The following PDF variants were observed in gnomAD, a reference collection of about 807,000 sequenced individuals.
PDF encodes peptide deformylase-like protein.
A neutral mutation model predicts 20.3 loss-of-function variants in PDF; 31 were observed. The ratio of observed to expected loss-of-function variants is 1.52; its 90% CI spans 1.15 to 2.06. The LOEUF (loss-of-function observed/expected upper bound fraction) is 2.06, where lower values mean the gene tolerates loss of function less well. Ranked by LOEUF, PDF falls within the 30% of genes most tolerant of loss-of-function variation. The pLI, the probability that PDF is intolerant of heterozygous loss-of-function variation, is 0.00. For synonymous variants in PDF, 254 were observed against 172.0 expected, an observed-to-expected ratio of 1.48 and a Z score of -3.73; for missense variants, 447 against 362.5, an observed-to-expected ratio of 1.23 and a Z score of -1.89.
chr16:69,329,269 C>A lies in PDF; in HGVS notation c.575-90G>T, dbSNP rs926087697. 7.3e-6 allele frequency: 10 copies of A among 1,367,296 alleles called. No individual in the cohort carries two copies. The African/African-American group carries it at 9.0e-5, about 12-fold the overall frequency. The allele number at this position is 1,367,296 out of a possible 1,614,324, so 84.7% of individuals were successfully genotyped here. On this transcript the variant is annotated intron_variant, in intron 1 of 1. Transcript: ENST00000288022. Reference sequence around the variant, plus strand: ...ACCCCTGCCCCCGGTCCTGGCTGTTCCCATTGACAAGAGGCAACAGCAGAT... The same window carrying A: ...ACCCCTGCCCCCGGTCCTGGCTGTTACCATTGACAAGAGGCAACAGCAGAT...
Position 69,328,893 on chromosome 16 carries a change from C to T in PDF, c.*129G>A. On this transcript the variant is annotated 3_prime_UTR_variant, in exon 2 of 2. Coordinates refer to ENST00000288022, the MANE Select transcript of PDF (RefSeq NM_022341.2). ...GACATCTTCCTCCAGCTCAGTCTGC[C>T]ATGCCTTGGCAATCCAGTTTCCTGT... 2 of 1,218,604 alleles carry T rather than the reference C, an allele frequency of 1.6e-6. No individual in the cohort carries two copies. Among genetic ancestry groups the T allele is most frequent in the Non-Finnish European group, 2.3e-6 (2 of 882,474 alleles). The allele number at this position is 1,218,604 out of a possible 1,614,324, so 75.5% of individuals were successfully genotyped here. A position where few individuals can be genotyped will look rare whatever the true frequency, so the allele number is the denominator to read the frequency against.
At chr16:69,329,438 G>A (rs887472883) in intron 1 of PDF, among the ~76,000 whole-genome samples, 1 of 152,244 alleles carries the variant, frequency 6.6e-6, no homozygotes, top group East Asian at 1.9e-4. Context: ...ATCTTTCTAC[G>A]GTGCGACCCT....
At position 69,327,862 on chromosome 16, in the gene PDF, AT is replaced by A. The variant is rs1347405322; in HGVS notation, c.*1159del. 2.0e-5 allele frequency: 3 copies of A among 148,734 alleles called. No individual in the cohort carries two copies. The highest frequency in any genetic ancestry group is 3.9e-4 in the East Asian group (2 of 5,162). The allele number at this position is 148,734 out of a possible 1,614,324, so 9.2% of individuals were successfully genotyped here. A position where few individuals can be genotyped will look rare whatever the true frequency, so the allele number is the denominator to read the frequency against. On this transcript the variant is annotated 3_prime_UTR_variant, in exon 2 of 2. Transcript: ENST00000288022. ...CCCCCGTCTCTATCTTAAAAAAAAA[AT>A]AAAAGAATAAAACAAGTTCCTTCAC...
At position 69,329,074 on chromosome 16, in the gene PDF, T is replaced by G. The variant is rs1205714377; in HGVS notation, c.680A>C (p.Lys227Thr). The change falls in exon 2 of 2, where the codon AAA (lysine) becomes ACA (threonine). Residue 227 changes from lysine to threonine, a missense_variant. Physicochemically the swap from Lys to Thr is moderately conservative, Grantham distance 78. Coordinates refer to ENST00000288022, the MANE Select transcript of PDF (RefSeq NM_022341.2). Reference sequence around the variant, plus strand: ...GTTTGTGAACGTCCTGCTGTCCATTTTGTCAATAAACAGGCAGCCCTGCAG... The same window carrying G: ...GTTTGTGAACGTCCTGCTGTCCATTGTGTCAATAAACAGGCAGCCCTGCAG... ...DHLQGCLFID[K>T]MDSRTFTNVY... The G allele has an allele frequency of 6.2e-7, 1 of 1,612,276 alleles. No individual in the cohort carries two copies. The highest frequency in any genetic ancestry group is 1.1e-5 in the South Asian group (1 of 90,826).
chr16:69,328,690 C>T lies in PDF; in HGVS notation c.*332G>A. 3.9e-6 allele frequency: 1 copy of T among 258,544 alleles called. No homozygotes were observed. The highest frequency in any genetic ancestry group is 5.3e-5 in the South Asian group (1 of 18,856). The allele number at this position is 258,544 out of a possible 1,614,324, so 16.0% of individuals were successfully genotyped here. A position where few individuals can be genotyped will look rare whatever the true frequency, so the allele number is the denominator to read the frequency against. ...ATTTGGGGACTACATTATTACCAAA[C>T]CTTGGCTTTGGGAGATTATACAGGT... On this transcript the variant is annotated 3_prime_UTR_variant, in exon 2 of 2. Transcript: ENST00000288022.
At position 69,328,879 on chromosome 16, in the gene PDF, C is replaced by G; in HGVS notation, c.*143G>C. ...GGGCAAACATTTCTGACATCTTCCT[C>G]CAGCTCAGTCTGCCATGCCTTGGCA... On this transcript the variant is annotated 3_prime_UTR_variant, in exon 2 of 2. Coordinates refer to ENST00000288022, the MANE Select transcript of PDF (RefSeq NM_022341.2). 9.3e-7 allele frequency: 1 copy of G among 1,080,338 alleles called. No homozygotes were observed. The highest frequency in any genetic ancestry group is 1.3e-6 in the Non-Finnish European group (1 of 763,282). 66.9% of individuals were successfully genotyped at this position (1,080,338 alleles called of 1,614,324 possible).
In PDF at chr16:69,328,873, C is replaced by T. The variant is rs1165518763; in HGVS notation, c.*149G>A. ...ATTTCAGGGCAAACATTTCTGACATCTTCCTCCAGCTCAGTCTGCCATGCC... is the reference window on the plus strand; with the variant it reads ...ATTTCAGGGCAAACATTTCTGACATTTTCCTCCAGCTCAGTCTGCCATGCC... On this transcript the variant is annotated 3_prime_UTR_variant, in exon 2 of 2. Transcript: ENST00000288022. 12 of 1,032,114 alleles carry T rather than the reference C, an allele frequency of 1.2e-5. No homozygotes were observed. In the South Asian group the frequency reaches 1.7e-4, roughly 14 times the overall value. 63.9% of individuals were successfully genotyped at this position (1,032,114 alleles called of 1,614,324 possible).
chr16:69,330,274 C>T lies in PDF; in HGVS notation c.297G>A (p.Leu99=), dbSNP rs1465736993. The change falls in exon 1 of 2, where the codon CTG becomes CTA. Residue 99 remains leucine (L), a synonymous_variant. Transcript: ENST00000288022. ...AGCGCCGCCGCCGCATCACCTGGAC[C>T]AGCCGTTGCGTCAGCCGCTGCAGCT... ...GPELQRLTQR[L]VQVMRRRRCV... 1 of 1,439,040 alleles carries T rather than the reference C, an allele frequency of 6.9e-7. No homozygotes were observed. The highest frequency in any genetic ancestry group is 9.0e-7 in the Non-Finnish European group (1 of 1,105,380). 89.1% of individuals were successfully genotyped at this position (1,439,040 alleles called of 1,614,324 possible). A position where few individuals can be genotyped will look rare whatever the true frequency, so the allele number is the denominator to read the frequency against.
chr16:69,330,363 C>CT lies in PDF; in HGVS notation c.207dup (p.Val70SerfsTer93). On this transcript the variant is annotated frameshift_variant, in exon 1 of 2. Coordinates refer to ENST00000288022, the MANE Select transcript of PDF (RefSeq NM_022341.2). LOFTEE classifies it high-confidence loss of function. The stretch of plus-strand genomic sequence containing the variant: ...ACGCCGCGCAGCACCGGGTCCCCGA[C>CT]TTGGCACACGTGCGAGAACGGCGGT... 1 of 1,477,358 alleles carries CT rather than the reference C, an allele frequency of 6.8e-7. No individual in the cohort carries two copies. The highest frequency in any genetic ancestry group is 8.9e-7 in the Non-Finnish European group (1 of 1,121,946). 91.5% of individuals were successfully genotyped at this position (1,477,358 alleles called of 1,614,324 possible).
In PDF at chr16:69,328,702, G is replaced by A. The variant is rs1965677734; in HGVS notation, c.*320C>T. 7.2e-6 allele frequency: 2 copies of A among 278,400 alleles called. No individual in the cohort carries two copies. The highest frequency in any genetic ancestry group is 5.8e-5 in the Admixed American group (1 of 17,228). The allele number at this position is 278,400 out of a possible 1,614,324, so 17.2% of individuals were successfully genotyped here. On this transcript the variant is annotated 3_prime_UTR_variant, in exon 2 of 2. Coordinates refer to ENST00000288022, the MANE Select transcript of PDF (RefSeq NM_022341.2). ...CATTATTACCAAACCTTGGCTTTGGGAGATTATACAGGTCCGAGGAACTCG... is the reference window on the plus strand; with the variant it reads ...CATTATTACCAAACCTTGGCTTTGGAAGATTATACAGGTCCGAGGAACTCG...
Position 69,330,167 on chromosome 16 carries a change from C to A in PDF, c.404G>T (p.Cys135Phe). 3.3e-6 allele frequency: 5 copies of A among 1,522,980 alleles called. No individual in the cohort carries two copies. Among genetic ancestry groups the A allele is most frequent in the African/African-American group, 1.4e-5 (1 of 69,482 alleles). The allele number at this position is 1,522,980 out of a possible 1,614,324, so 94.3% of individuals were successfully genotyped here. A position where few individuals can be genotyped will look rare whatever the true frequency, so the allele number is the denominator to read the frequency against. The change falls in exon 1 of 2, where the codon TGC becomes TTC. Residue 135 changes from cysteine to phenylalanine, a missense_variant. Physicochemically the swap from Cys to Phe is radical, Grantham distance 205. Coordinates refer to ENST00000288022, the MANE Select transcript of PDF (RefSeq NM_022341.2). ...GCGGAGCGCGCGCTGGCGGGGCGGG[C>A]ACTCCCGACACAGCGCCTCGGGGAG... Reference protein sequence around the residue: ...LELPEALCRECPPRQRALRQM... With the variant: ...LELPEALCREFPPRQRALRQM...
rs1965640296 is a variant in PDF at position 69,327,643 on chromosome 16, G to C, written c.*1379C>G. The C allele has an allele frequency of 6.6e-6, 1 of 152,036 alleles. No individual in the cohort carries two copies. The highest frequency in any genetic ancestry group is 1.5e-5 in the Non-Finnish European group (1 of 68,010). 9.4% of individuals were successfully genotyped at this position (152,036 alleles called of 1,614,324 possible). On this transcript the variant is annotated 3_prime_UTR_variant, in exon 2 of 2. Coordinates refer to ENST00000288022, the MANE Select transcript of PDF (RefSeq NM_022341.2). ...GGACTTCCTACTACTTGTATAGTTT[G>C]ATTTTCAGGACTCTGTTCAGCAAGA...
chr16:69,329,668 G>A (rs1354502166), intron 1 of PDF, among the ~76,000 whole-genome samples: 4 of 152,240 alleles, frequency 2.6e-5, no homozygotes, highest in Non-Finnish European at 5.9e-5. Context: ...GGCTGGCGGG[G>A]GCTAACCCCC....
Position 69,330,117 on chromosome 16 carries a change from C to T in PDF, c.454G>A (p.Val152Met), listed in dbSNP as rs778772685. ...LRQMEPFPLR[V>M]FVNPSLRVLD... is the part of the protein sequence containing the mutation. ...ACTCGCAGGCTGGGGTTCACGAACA[C>T]GCGCAGGGGGAAGGGCTCCATTTGG... The change falls in exon 1 of 2, where the codon GTG becomes ATG. Residue 152 changes from valine (V) to methionine (M), a missense_variant. Val to Met is a conservative substitution (Grantham distance 21, BLOSUM62 1). Transcript: ENST00000288022. 1.8e-5 allele frequency: 29 copies of T among 1,584,002 alleles called. No individual in the cohort carries two copies. The highest frequency in any genetic ancestry group is 5.2e-5 in the Admixed American group (3 of 57,190).
At position 69,329,035 on chromosome 16, in the gene PDF, T is replaced by C. The variant is rs960330548; in HGVS notation, c.719A>G (p.Lys240Arg). ...AGTAGCAAAGCTTTAGTCATTCACCTTCATCCAATAGACGTTTGTGAACGT... is the reference window on the plus strand; with the variant it reads ...AGTAGCAAAGCTTTAGTCATTCACCCTCATCCAATAGACGTTTGTGAACGT... ...SRTFTNVYWMKVND is the reference protein window; with the variant it reads ...SRTFTNVYWMRVND The change falls in exon 2 of 2, where the codon AAG (lysine) becomes AGG (arginine). Residue 240 changes from lysine to arginine, a missense_variant. Transcript: ENST00000288022. 6.2e-7 allele frequency: 1 copy of C among 1,609,784 alleles called. No individual in the cohort carries two copies. The highest frequency in any genetic ancestry group is 8.5e-7 in the Non-Finnish European group (1 of 1,178,816).
rs1172324284 is a variant in PDF at position 69,330,552 on chromosome 16, C to A, written c.19G>T (p.Ala7Ser). MARLWG[A>S]LSLWPLWAAV... is the part of the protein sequence containing the mutation. ...GCCCACAGTGGCCAAAGACTCAGCGCGCCCCACAGCCGGGCCATGGCGGCC... is the reference window on the plus strand; with the variant it reads ...GCCCACAGTGGCCAAAGACTCAGCGAGCCCCACAGCCGGGCCATGGCGGCC... Residue 7 changes from alanine (A) to serine (S), a missense_variant, in exon 1 of 2, where the codon GCG becomes TCG. Physicochemically the swap from Ala to Ser is moderately conservative, Grantham distance 99 (BLOSUM62 1). Transcript: ENST00000288022. 5 of 1,469,598 alleles carry A rather than the reference C, an allele frequency of 3.4e-6. No homozygotes were observed. The Admixed American group carries it at 7.5e-5, about 22-fold the overall frequency. 91.0% of individuals were successfully genotyped at this position (1,469,598 alleles called of 1,614,324 possible).
intron 1 of PDF, 61 bp downstream of exon 1, chr16:69,329,936 C>T (rs1307077747): frequency 1.4e-6 from 2 of 1,457,432 alleles, no homozygotes; most frequent in Admixed American, 2.6e-5. Flanking sequence ...TGCGCTCTCG[C>T]GGAGTCGGGC....
intron 1 of PDF, 98 bp downstream of exon 1, chr16:69,329,899 G>A (rs1415041778): frequency 5.1e-6 from 7 of 1,366,926 alleles, no homozygotes; most frequent in Non-Finnish European, 6.7e-6. Flanking sequence ...CCTGCGGGAG[G>A]TCCGGCGTAT....
chr16:69,329,013 A>G lies in PDF; in HGVS notation c.*9T>C. 2.5e-6 allele frequency: 4 copies of G among 1,602,690 alleles called. No homozygotes were observed. Among genetic ancestry groups the G allele is most frequent in the South Asian group, 1.1e-5 (1 of 89,318 alleles). ...GGTATCCGGAATCCTCAGCCCCAGT[A>G]GCAAAGCTTTAGTCATTCACCTTCA... On this transcript the variant is annotated 3_prime_UTR_variant, in exon 2 of 2. Transcript: ENST00000288022.
Sources: allele counts gnomAD v4.1 joint callset (sites outside exome capture counted in the v4.1 genomes callset), GRCh38; gene constraint gnomAD v4.1.1; transcripts MANE v1.5; gene names NCBI Gene and HGNC (gene_info 2026-07-23, HGNC 2026-07-21).